Variants in DLG2 observed in about 807,000 individuals in gnomAD.
The protein encoded by DLG2 is discs large MAGUK scaffold protein 2.
Under a neutral mutation model 132.5 loss-of-function variants are expected in DLG2, and 45 were observed. That is an observed-to-expected ratio of 0.34 (90% CI 0.27 to 0.44). The LOEUF is 0.44. Among genes scored for constraint, DLG2 ranks in the 20% least tolerant of loss-of-function variants. The pLI, the probability that DLG2 is intolerant of heterozygous loss-of-function variation, is 1.00. For synonymous variants in DLG2, 424 were observed against 419.6 expected, an observed-to-expected ratio of 1.01 and a Z score of -0.13; for missense variants, 1,045 against 1,196.9, an observed-to-expected ratio of 0.87 and a Z score of 1.87.
intron 16 of DLG2, among the ~76,000 whole-genome samples, chr11:83,854,827 A>G (rs1245732329): frequency 6.6e-6 from 1 of 152,152 alleles, no homozygotes; most frequent in Non-Finnish European, 1.5e-5. Context: ...TTATTAAAAT[A>G]AAAACAGTCT....
intron 7 of DLG2, among the ~76,000 whole-genome samples, chr11:84,308,731 G>A (rs1567243500): frequency 6.6e-6 from 1 of 152,166 alleles, no homozygotes; most frequent in African/African-American, 2.4e-5. Context: ...GCGCCGGTGG[G>A]CCGGCACTGC....
At chr11:84,191,973 A>G (rs2096416994) in intron 8 of DLG2, among the ~76,000 whole-genome samples, 2 of 141,998 alleles carry the variant, frequency 1.4e-5, no homozygotes, top group Non-Finnish European at 3.2e-5. Flanking sequence ...ATTCTTATCA[A>G]CTAGCCCCAT....
intron 19 of DLG2, among the ~76,000 whole-genome samples, chr11:83,619,596 C>T (rs528349148): frequency 2.6e-5 from 4 of 152,214 alleles, no homozygotes; most frequent in South Asian, 4.2e-4. Flanking sequence ...CTGCCAGCTC[C>T]TCATCCTCAG....
chr11:84,497,278 G>A (rs1265377888), intron 7 of DLG2, among the ~76,000 whole-genome samples: 2 of 152,074 alleles, frequency 1.3e-5, no homozygotes, highest in African/African-American at 4.8e-5. Flanking sequence ...GAAATCTGAG[G>A]TTGTTAAGAC....
chr11:85,092,929 C>A (rs187001705), intron 6 of DLG2, among the ~76,000 whole-genome samples: 285 of 152,310 alleles, frequency 1.9e-3, no homozygotes, highest in African/African-American at 6.5e-3. Flanking sequence ...GCGTGCACCA[C>A]TACGCCCAGC....
At chr11:84,191,196 A>G (rs1447970759) in intron 8 of DLG2, among the ~76,000 whole-genome samples, 1 of 152,186 alleles carries the variant, frequency 6.6e-6, no homozygotes. Context: ...ATATTCAGGT[A>G]ACTGAGTTTT....
chr11:84,705,135 TTAAC>T (rs1168759846), intron 6 of DLG2, among the ~76,000 whole-genome samples: 1 of 151,576 alleles, frequency 6.6e-6, no homozygotes, highest in African/African-American at 2.4e-5. Context: ...TCAAAGTAGT[TTAAC>T]TAACACATGG....
At chr11:85,333,620 A>C (rs2081928495) in intron 3 of DLG2, among the ~76,000 whole-genome samples, 1 of 151,872 alleles carries the variant, frequency 6.6e-6, no homozygotes, top group Non-Finnish European at 1.5e-5. Context: ...CCTATTTGTT[A>C]AGGGGTTTTG....
intron 3 of DLG2, among the ~76,000 whole-genome samples, chr11:85,517,174 A>T (rs1332642191): frequency 6.6e-6 from 1 of 152,122 alleles, no homozygotes; most frequent in African/African-American, 2.4e-5. Context: ...AAATCAAAAA[A>T]TGATATGATC....
chr11:84,775,963 C>T (rs1275587973), intron 6 of DLG2, among the ~76,000 whole-genome samples: 2 of 152,080 alleles, frequency 1.3e-5, no homozygotes, highest in Admixed American at 6.5e-5. Flanking sequence ...GATGTATGTG[C>T]GAAGAGCTCT....
rs2089200162 is a variant in DLG2, at chr11:83,457,499, A to T, written c.*2319T>A. ...GAAAGCATCTACACTAGGAAAATAA[A>T]TAGTTATATTACTACAAAACCAAGG... On this transcript the variant is annotated 3_prime_UTR_variant, in exon 28 of 28. Transcript: ENST00000376104. The T allele has an allele frequency of 6.6e-6, 1 of 152,652 alleles. No homozygotes were observed. The highest frequency in any genetic ancestry group is 6.5e-5 in the Admixed American group (1 of 15,284). 9.5% of individuals were successfully genotyped at this position (152,652 alleles called of 1,614,324 possible).
intron 3 of DLG2, among the ~76,000 whole-genome samples, chr11:85,475,449 T>G (rs2093112478): frequency 6.6e-6 from 1 of 152,064 alleles, no homozygotes; most frequent in East Asian, 1.9e-4. Context: ...TATTTATGTG[T>G]CAAAACTCTA....
At chr11:85,257,148 T>C (rs977020711) in intron 4 of DLG2, among the ~76,000 whole-genome samples, 2 of 152,170 alleles carry the variant, frequency 1.3e-5, no homozygotes, top group African/African-American at 4.8e-5. Context: ...TGATATCTAG[T>C]GATACAAAAA....
intron 3 of DLG2, among the ~76,000 whole-genome samples, chr11:85,584,409 T>C (rs146177364): frequency 4.6e-5 from 7 of 151,664 alleles, no homozygotes; most frequent in South Asian, 4.2e-4. Context: ...CACTCGTTGG[T>C]TGATGGGCAT....
chr11:84,944,837 C>A (rs1364922215), intron 6 of DLG2, among the ~76,000 whole-genome samples: 2 of 152,136 alleles, frequency 1.3e-5, no homozygotes, highest in Admixed American at 1.3e-4. Flanking sequence ...ATCGCCTGAC[C>A]TCATGATTTG....
intron 15 of DLG2, among the ~76,000 whole-genome samples, chr11:83,896,910 C>T (rs542636255): frequency 4.0e-5 from 6 of 151,794 alleles, no homozygotes; most frequent in African/African-American, 7.3e-5. Flanking sequence ...AACTACAGTA[C>T]AAGATTTTTT....
At position 83,958,847 on chromosome 11, in the gene DLG2, A is replaced by C. The variant is rs147044521; in HGVS notation, c.1340+4038T>G. On this transcript the variant is annotated intron_variant, in intron 14 of 27. Coordinates refer to ENST00000376104, the MANE Select transcript of DLG2 (RefSeq NM_001142699.3). ...AGCCAAAAAAATAGTGCACATATACATGGGCTCTAAATCTGATTATACTAC... is the reference window on the plus strand; with the variant it reads ...AGCCAAAAAAATAGTGCACATATACCTGGGCTCTAAATCTGATTATACTAC... Among the ~76,000 whole-genome samples, 3 of 152,236 alleles carry C rather than the reference A, an allele frequency of 2.0e-5. No homozygotes were observed. In the East Asian group the frequency reaches 5.8e-4, roughly 29 times the overall value.
intron 17 of DLG2, among the ~76,000 whole-genome samples, chr11:83,824,784 G>A (rs112586945): frequency 2.4e-4 from 36 of 152,228 alleles, no homozygotes; most frequent in Admixed American, 2.0e-3. Flanking sequence ...ACTGAGTTAA[G>A]TTTCAGACTT....
chr11:84,299,021 C>A (rs1057039641), intron 7 of DLG2, among the ~76,000 whole-genome samples: 2 of 152,012 alleles, frequency 1.3e-5, no homozygotes, highest in African/African-American at 4.8e-5. Context: ...TAAACGTTCA[C>A]GAAAAAGGGA....
Sources: gnomAD v4.1 joint callset for allele counts (sites outside exome capture counted in the v4.1 genomes callset) on GRCh38, gnomAD v4.1.1 for gene constraint, MANE v1.5 for transcripts, NCBI Gene and HGNC (gene_info 2026-07-23, HGNC 2026-07-21) for gene names.